Variants in WWOX observed in about 807,000 individuals in gnomAD.
The protein encoded by WWOX is WW domain containing oxidoreductase.
A neutral mutation model predicts 46.2 loss-of-function variants in WWOX; 69 were observed. The ratio of observed to expected loss-of-function variants is 1.49; its 90% CI spans 1.23 to 1.82. The LOEUF (loss-of-function observed/expected upper bound fraction) is 1.82. WWOX is among the 40% of genes most tolerant of loss of function. The pLI, the probability that WWOX is intolerant of heterozygous loss-of-function variation, is 0.00. For missense variants in WWOX, 919 were observed against 542.6 expected (o/e 1.69, Z -6.89); for synonymous variants, 359 against 202.6 (o/e 1.77, Z -6.56).
At chr16:78,570,561 G>T (rs1010388461) in intron 8 of WWOX, among the ~76,000 whole-genome samples, 2 of 152,034 alleles carry the variant, frequency 1.3e-5, no homozygotes, top group Non-Finnish European at 1.5e-5. Context: ...TGATCCTCCC[G>T]CCTCTGCCTC....
chr16:78,622,306 G>A (rs1013407152), intron 8 of WWOX, among the ~76,000 whole-genome samples: 1 of 151,972 alleles, frequency 6.6e-6, no homozygotes, highest in Non-Finnish European at 1.5e-5. Flanking sequence ...ACTTTGGGAC[G>A]CCGAGGCAGG....
intron 8 of WWOX, among the ~76,000 whole-genome samples, chr16:78,753,818 AAAAAAAAATATATATATAT>A (rs1458846423): frequency 2.4e-5 from 2 of 82,604 alleles, no homozygotes; most frequent in African/African-American, 9.2e-5. Context: ...AAAAAAAAAA[AAAAAAAAATATATATATAT>A]ATATATATAT....
At chr16:79,136,783 T>G (rs1256946922) in intron 8 of WWOX, among the ~76,000 whole-genome samples, 1 of 152,170 alleles carries the variant, frequency 6.6e-6, no homozygotes, top group Non-Finnish European at 1.5e-5. Flanking sequence ...GCCAACAAAA[T>G]TCAATAGGCA....
intron 8 of WWOX, among the ~76,000 whole-genome samples, chr16:79,043,911 G>A (rs2048019006): frequency 6.6e-6 from 1 of 152,224 alleles, no homozygotes. Flanking sequence ...GTCCAGGGCT[G>A]CCGCTCATTC....
intron 8 of WWOX, chr16:79,016,931 C>T (rs1340182035): frequency 6.6e-6 from 1 of 152,150 alleles, no homozygotes; most frequent in Non-Finnish European, 1.5e-5. Context: ...AACTCCTGAC[C>T]TCAGGTGATC....
In WWOX at chr16:79,101,270, G is replaced by C. The variant is rs1475162924; in HGVS notation, c.1057-110338G>C. 2.0e-5 allele frequency: 3 copies of C among 152,266 alleles called. No homozygotes were observed. The East Asian group carries it at 5.8e-4, about 29-fold the overall frequency. The allele number at this position is 152,266 out of a possible 1,614,324, so 9.4% of individuals were successfully genotyped here. On this transcript the variant is annotated intron_variant, in intron 8 of 8. Coordinates refer to ENST00000566780, the MANE Select transcript of WWOX (RefSeq NM_016373.4). ...AGCTTGTATGACAGTGGAATGTTTT[G>C]AAATGAGCTTGATTCTGTTTACCCA...
At chr16:78,863,094 G>A (rs1448600878) in intron 8 of WWOX, among the ~76,000 whole-genome samples, 1 of 151,852 alleles carries the variant, frequency 6.6e-6, no homozygotes, top group Non-Finnish European at 1.5e-5. Context: ...AAGTAGGTGG[G>A]ATTACAGGCG....
intron 8 of WWOX, among the ~76,000 whole-genome samples, chr16:78,648,216 C>G (rs1035848722): frequency 6.6e-6 from 1 of 152,130 alleles, no homozygotes; most frequent in African/African-American, 2.4e-5. Context: ...TTTTTCCTCT[C>G]TAATTCATGC....
At chr16:78,988,685 C>T (rs1192502258) in intron 8 of WWOX, among the ~76,000 whole-genome samples, 1 of 152,114 alleles carries the variant, frequency 6.6e-6, no homozygotes, top group Non-Finnish European at 1.5e-5. Flanking sequence ...AAGACCAGTA[C>T]AGAAGGATGG....
intron 8 of WWOX, among the ~76,000 whole-genome samples, chr16:78,819,917 A>G (rs1456350878): frequency 6.6e-6 from 1 of 151,308 alleles, no homozygotes; most frequent in African/African-American, 2.4e-5. Context: ...AGATGGACTC[A>G]TTATTTACTT....
chr16:79,142,040 G>C (rs1439020696), intron 8 of WWOX, among the ~76,000 whole-genome samples: 1 of 152,208 alleles, frequency 6.6e-6, no homozygotes, highest in Non-Finnish European at 1.5e-5. Context: ...GCCCAGTTAA[G>C]AGGTATATAT....
intron 8 of WWOX, among the ~76,000 whole-genome samples, chr16:78,585,289 C>T (rs971877435): frequency 9.9e-5 from 15 of 152,240 alleles, no homozygotes; most frequent in African/African-American, 3.6e-4. Context: ...GCCTTGGCAG[C>T]AGTTCTCCCT....
chr16:78,671,125 G>T (rs1330569993), intron 8 of WWOX, among the ~76,000 whole-genome samples: 1 of 152,132 alleles, frequency 6.6e-6, no homozygotes, highest in African/African-American at 2.4e-5. Context: ...AACTGTGAAA[G>T]AATAAATTGC....
At chr16:78,455,785 T>G (rs1597109918) in intron 8 of WWOX, among the ~76,000 whole-genome samples, 1 of 131,540 alleles carries the variant, frequency 7.6e-6, no homozygotes, top group Admixed American at 7.3e-5. Flanking sequence ...CTGGGGGAGG[T>G]GAAGGTTAAA....
At chr16:78,259,313 A>T (rs1264008383) in intron 5 of WWOX, among the ~76,000 whole-genome samples, 1 of 152,176 alleles carries the variant, frequency 6.6e-6, no homozygotes. Context: ...GAGAGACTGT[A>T]TTCCATTTTA....
At chr16:79,021,659 G>C (rs1252074596) in intron 8 of WWOX, among the ~76,000 whole-genome samples, 1 of 152,176 alleles carries the variant, frequency 6.6e-6, no homozygotes, top group African/African-American at 2.4e-5. Flanking sequence ...CAAACACACA[G>C]ATGCTTCTCA....
intron 8 of WWOX, among the ~76,000 whole-genome samples, chr16:78,536,743 A>G (rs1567628943): frequency 6.6e-6 from 1 of 151,952 alleles, no homozygotes; most frequent in Admixed American, 6.6e-5. Flanking sequence ...AATGATGACG[A>G]AGGAGGAGGA....
rs192966209 is a variant in WWOX at position 78,556,564 on chromosome 16, C to T, written c.1056+123812C>T. 2.6e-5 allele frequency among the ~76,000 whole-genome samples: 4 copies of T among 152,088 alleles called. No individual in the cohort carries two copies. In the South Asian group the frequency reaches 8.3e-4, roughly 32 times the overall value. On this transcript the variant is annotated intron_variant, in intron 8 of 8. Coordinates refer to ENST00000566780, the MANE Select transcript of WWOX (RefSeq NM_016373.4). Reference sequence around the variant, plus strand: ...AATGGAAATGGGTCTTGAAATCAATCGCAGCTGGACCGGCGTGCGGTGAGT... The same window carrying T: ...AATGGAAATGGGTCTTGAAATCAATTGCAGCTGGACCGGCGTGCGGTGAGT...
chr16:79,037,295 G>C (rs1424024978), intron 8 of WWOX, among the ~76,000 whole-genome samples: 4 of 152,204 alleles, frequency 2.6e-5, no homozygotes, highest in Non-Finnish European at 4.4e-5. Context: ...TGCCTGGAAA[G>C]TGCTGGGGCA....
Sources: allele counts gnomAD v4.1 joint callset (sites outside exome capture counted in the v4.1 genomes callset), GRCh38; gene constraint gnomAD v4.1.1; transcripts MANE v1.5; gene names NCBI Gene and HGNC (gene_info 2026-07-23, HGNC 2026-07-21).